Variants in ITGAL observed in about 807,000 individuals in gnomAD.
ITGAL encodes integrin subunit alpha L, also known as integrin alpha-L.
In ITGAL, 68 loss-of-function variants were observed where a neutral mutation model predicts 138.4. The ratio of observed to expected loss-of-function variants is 0.49; its 90% CI spans 0.40 to 0.60. ITGAL has a LOEUF of 0.60. Among genes scored for constraint, ITGAL ranks in the 20% least tolerant of loss-of-function variants. The pLI, the probability that ITGAL is intolerant of heterozygous loss-of-function variation, is 0.00. For synonymous variants in ITGAL, 561 were observed against 584.3 expected (o/e 0.96, Z 0.57); for missense variants, 1,256 against 1,478.6 (o/e 0.85, Z 2.47).
chr16:30,484,641 G>A (rs753317433), intron 9 of ITGAL, among the ~76,000 whole-genome samples: 14 of 150,260 alleles, frequency 9.3e-5, no homozygotes, highest in African/African-American at 3.2e-4. Context: ...AAAAATGGCC[G>A]GACGCGGTGG....
chr16:30,486,649 C>A (rs1357045516), intron 9 of ITGAL, among the ~76,000 whole-genome samples: 1 of 152,054 alleles, frequency 6.6e-6, no homozygotes, highest in African/African-American at 2.4e-5. Flanking sequence ...AAGGGCTCGG[C>A]ATGCCAGGAA....
Position 30,500,589 on chromosome 16 carries a change from G to A in ITGAL, c.2145+1100G>A, listed in dbSNP as rs539243006. ...TTTAGAGACAGGGCCTTGCTCTATC[G>A]TCCAGGCTGGAGTGGAGTGATGCAA... On this transcript the variant is annotated intron_variant, in intron 17 of 30. Transcript: ENST00000356798. Among the ~76,000 whole-genome samples, 18 of 151,148 alleles carry A rather than the reference G, an allele frequency of 1.2e-4. 1 individual carries two copies. The highest frequency in any genetic ancestry group is 2.4e-4 in the African/African-American group (10 of 41,182).
chr16:30,473,961 G>T, intron 1 of ITGAL: 1 of 663,570 alleles, frequency 1.5e-6, no homozygotes, highest in Non-Finnish European at 2.8e-6. Context: ...TTCCTTTTTT[G>T]CAGAGAGGCC....
rs754526673 is a variant in ITGAL at position 30,518,639 on chromosome 16, A to G, written c.3148A>G (p.Ser1050Gly). 1 of 1,613,582 alleles carries G rather than the reference A, an allele frequency of 6.2e-7. No individual in the cohort carries two copies. Among genetic ancestry groups the G allele is most frequent in the Admixed American group, 1.7e-5 (1 of 60,006 alleles). ...GCTCCCACAGGCCTCTTCCATGTTC[A>G]GCCTCTGCAGCTCCCTCTCCATCTC... Reference protein sequence around the residue: ...VGEIEASSMFSLCSSLSISFN... With the variant: ...VGEIEASSMFGLCSSLSISFN... Residue 1050 changes from serine to glycine, a missense_variant, in exon 29 of 31, where the codon AGC becomes GGC. Ser to Gly is a moderately conservative substitution (Grantham distance 56, BLOSUM62 0). Coordinates refer to ENST00000356798, the MANE Select transcript of ITGAL (RefSeq NM_002209.3).
chr16:30,503,357 T>G (rs1161071362), intron 17 of ITGAL, among the ~76,000 whole-genome samples: 1 of 152,006 alleles, frequency 6.6e-6, no homozygotes, highest in Non-Finnish European at 1.5e-5. Flanking sequence ...TCCTGGACTT[T>G]GGATTTGGAC....
chr16:30,473,845 G>C, intron 1 of ITGAL: 1 of 456,276 alleles, frequency 2.2e-6, no homozygotes, highest in South Asian at 1.6e-5. Flanking sequence ...AGGCGCACCC[G>C]GCTCGGGGGC....
At chr16:30,509,655 A>G (rs1177654148) in intron 21 of ITGAL, among the ~76,000 whole-genome samples, 1 of 152,056 alleles carries the variant, frequency 6.6e-6, no homozygotes, top group East Asian at 1.9e-4. Context: ...AGCATGGCCC[A>G]CTGCAGCCTC....
At chr16:30,496,727 G>A (rs139199468) in intron 15 of ITGAL, among the ~76,000 whole-genome samples, 161 bp downstream of exon 15, 3,318 of 151,702 alleles carry the variant, frequency 0.022, 58 homozygotes, top group Non-Finnish European at 0.034. Context: ...CTGCAGCCTC[G>A]AACTGCTGGG....
At chr16:30,519,676 G>A in intron 29 of ITGAL, 181 bp from the exon 30 acceptor site, 9 of 621,000 alleles carry the variant, frequency 1.4e-5, no homozygotes, top group Middle Eastern at 2.7e-4. Context: ...TAAGGTGTGT[G>A]TTGGCCAACT....
chr16:30,482,743 G>A (rs144970608), intron 7 of ITGAL, among the ~76,000 whole-genome samples: 60 of 152,142 alleles, frequency 3.9e-4, no homozygotes, highest in African/African-American at 1.3e-3. Context: ...TGGGTAAGAC[G>A]GTTCACACCT....
chr16:30,504,386 T>C, intron 18 of ITGAL, 122 bp downstream of exon 18: 2 of 735,834 alleles, frequency 2.7e-6, no homozygotes, highest in Middle Eastern at 3.4e-4. Context: ...CTGAAGTGGG[T>C]GGATCACTTA....
At chr16:30,482,854 T>G (rs1314472733) in intron 7 of ITGAL, among the ~76,000 whole-genome samples, 1 of 151,942 alleles carries the variant, frequency 6.6e-6, no homozygotes, top group Non-Finnish European at 1.5e-5. Context: ...AGAGTCAAGG[T>G]CTCACTCTGT....
intron 21 of ITGAL, 87 bp from the exon 22 acceptor site, chr16:30,510,273 TG>T: frequency 1.3e-6 from 1 of 768,534 alleles, no homozygotes. Flanking sequence ...ACAGAGCCCC[TG>T]GGGGAGGTAG....
chr16:30,484,563 G>A (rs551928621), intron 9 of ITGAL, among the ~76,000 whole-genome samples: 4 of 151,480 alleles, frequency 2.6e-5, no homozygotes, highest in South Asian at 2.1e-4. Context: ...AGCCAAGATC[G>A]CACCACACTG....
At chr16:30,485,188 C>A (rs143689979) in intron 9 of ITGAL, among the ~76,000 whole-genome samples, 33 of 134,812 alleles carry the variant, frequency 2.4e-4, no homozygotes, top group African/African-American at 9.1e-4. Flanking sequence ...CTCTCCTCCC[C>A]CCTTCCTCTC....
At chr16:30,490,737 T>G (rs1273490642) in intron 11 of ITGAL, among the ~76,000 whole-genome samples, 1 of 151,976 alleles carries the variant, frequency 6.6e-6, no homozygotes, top group Non-Finnish European at 1.5e-5. Flanking sequence ...CCTCTTGAAT[T>G]GTCCAAGAGC....
At chr16:30,484,809 C>T (rs2050615998) in intron 9 of ITGAL, among the ~76,000 whole-genome samples, 1 of 151,962 alleles carries the variant, frequency 6.6e-6, no homozygotes, top group Non-Finnish European at 1.5e-5. Flanking sequence ...ATCCCAGCTA[C>T]TCAGGGGGCT....
At chr16:30,514,277 A>ATT (rs1390944511) in intron 25 of ITGAL, among the ~76,000 whole-genome samples, 14 of 141,350 alleles carry the variant, frequency 9.9e-5, no homozygotes, top group African/African-American at 2.1e-4. Flanking sequence ...TGCCCAGCTA[A>ATT]TTTTTTTTTT....
intron 6 of ITGAL, among the ~76,000 whole-genome samples, chr16:30,480,182 G>GCCCA (rs1308637090): frequency 6.9e-6 from 1 of 145,930 alleles, no homozygotes; most frequent in East Asian, 2.0e-4. Flanking sequence ...AGATCCTCCT[G>GCCCA]CCTTGGCCTC....
Sources: allele counts gnomAD v4.1 joint callset (sites outside exome capture counted in the v4.1 genomes callset), GRCh38; gene constraint gnomAD v4.1.1; transcripts MANE v1.5; gene names NCBI Gene and HGNC (gene_info 2026-07-23, HGNC 2026-07-21).